Variants in MAPK10 observed in about 807,000 individuals in gnomAD.
MAPK10 encodes JNK3 alpha protein kinase.
In MAPK10, 25 loss-of-function variants were observed where a neutral mutation model predicts 59.3. The observed-to-expected ratio is 0.42, with a 90% confidence interval of 0.31 to 0.59. The LOEUF (loss-of-function observed/expected upper bound fraction) is 0.59, where lower values mean the gene tolerates loss of function less well. MAPK10 is among the 20% of genes least tolerant of loss of function. MAPK10 has a pLI of 0.15. For missense variants in MAPK10, 351 were observed against 568.9 expected (o/e 0.62, Z 3.90); for synonymous variants, 190 against 200.5 (o/e 0.95, Z 0.44).
At chr4:86,423,760 G>GATATATATACATATATATATAT (rs1288169190) in intron 1 of MAPK10, among the ~76,000 whole-genome samples, 1 of 117,120 alleles carries the variant, frequency 8.5e-6, no homozygotes, top group East Asian at 2.5e-4. Flanking sequence ...TAATTAGTGG[G>GATATATATACATATATATATAT]ATATATATAC....
intron 2 of MAPK10, among the ~76,000 whole-genome samples, chr4:86,239,013 T>C (rs1473951335): frequency 1.3e-5 from 2 of 152,158 alleles, no homozygotes; most frequent in African/African-American, 4.8e-5. Flanking sequence ...ATTTTGAGAT[T>C]ATGTTCCATA....
chr4:86,481,436 A>G (rs1753607761), intron 1 of MAPK10, among the ~76,000 whole-genome samples: 1 of 152,108 alleles, frequency 6.6e-6, no homozygotes, highest in Admixed American at 6.6e-5. Flanking sequence ...GAGGAAAAAA[A>G]AAAAAAAAAC....
At chr4:86,588,826 G>A (rs775585507) in intron 1 of MAPK10, among the ~76,000 whole-genome samples, 2 of 152,016 alleles carry the variant, frequency 1.3e-5, no homozygotes, top group African/African-American at 2.4e-5. Flanking sequence ...TTTTTATCAC[G>A]TGTAGAAACA....
Position 86,436,146 on chromosome 4 carries a change from G to T in MAPK10, c.-122+16884C>A, listed in dbSNP as rs1435989540. On this transcript the variant is annotated intron_variant, in intron 1 of 13. Coordinates refer to the MAPK10 transcript ENST00000361569. ...GAGAGTTCATAACCCCTCTTCCCTG[G>T]AGTTTATACTTCTGGCAACCTCAGT... 2.0e-5 allele frequency among the ~76,000 whole-genome samples: 3 copies of T among 152,020 alleles called. No individual in the cohort carries two copies. In the East Asian group the frequency reaches 5.8e-4, roughly 29 times the overall value.
rs141529140 is a variant in MAPK10, at chr4:86,572,236, A to G, written c.-263+21674T>C. ...TTTGACTTATGGCATCATTACTTTC[A>G]GCAAAACCAGCTGTGTAATACTAGG... On this transcript the variant is annotated intron_variant, in intron 1 of 4. Transcript: ENST00000502302. 1.5e-3 allele frequency among the ~76,000 whole-genome samples: 233 copies of G among 152,290 alleles called. 4 individuals are homozygous for G. Among genetic ancestry groups the G allele is most frequent in the African/African-American group, 5.2e-3 (216 of 41,562 alleles).
At chr4:86,191,666 G>A (rs770241058) in intron 3 of MAPK10, 1 of 143,160 alleles carries the variant, frequency 7.0e-6, no homozygotes, top group South Asian at 2.3e-4. Flanking sequence ...ATGTGAGATG[G>A]GTATCCTGAA....
intron 3 of MAPK10, among the ~76,000 whole-genome samples, chr4:86,162,876 T>C (rs2070294606): frequency 6.6e-6 from 1 of 152,100 alleles, no homozygotes; most frequent in South Asian, 2.1e-4. Flanking sequence ...CTCAACCACC[T>C]GGGGATGCAC....
At chr4:86,188,836 G>A (rs1377876353) in intron 3 of MAPK10, among the ~76,000 whole-genome samples, 1 of 152,230 alleles carries the variant, frequency 6.6e-6, no homozygotes, top group Middle Eastern at 3.4e-3. Flanking sequence ...TGTCCTGAAT[G>A]ATATTACCTA....
At chr4:86,149,999 T>TA (rs199719978) in intron 4 of MAPK10, among the ~76,000 whole-genome samples, 1,643 of 150,542 alleles carry the variant, frequency 0.011, 16 homozygotes, top group Non-Finnish European at 0.014. Context: ...TACAGAAAAG[T>TA]AAAAAAAAAC....
At chr4:86,497,105 C>T (rs1754925022) in intron 1 of MAPK10, among the ~76,000 whole-genome samples, 1 of 152,114 alleles carries the variant, frequency 6.6e-6, no homozygotes, top group African/African-American at 2.4e-5. Flanking sequence ...ACCAACACTC[C>T]AAACAATAAA....
At chr4:86,255,426 A>C (rs2093663924) in intron 2 of MAPK10, among the ~76,000 whole-genome samples, 2 of 152,288 alleles carry the variant, frequency 1.3e-5, no homozygotes, top group South Asian at 4.2e-4. Flanking sequence ...AAGACAGGAC[A>C]CTGAGTCAGA....
At chr4:86,174,249 G>T (rs193085213) in intron 3 of MAPK10, among the ~76,000 whole-genome samples, 62 of 152,286 alleles carry the variant, frequency 4.1e-4, no homozygotes, top group Non-Finnish European at 4.1e-4. Flanking sequence ...ACTGGATAAA[G>T]AAAATGTGGC....
chr4:86,105,986 G>A (rs1470075615), intron 5 of MAPK10, among the ~76,000 whole-genome samples: 1 of 152,046 alleles, frequency 6.6e-6, no homozygotes, highest in Non-Finnish European at 1.5e-5. Flanking sequence ...CTGTCTTATT[G>A]TGGATCGCCT....
intron 2 of MAPK10, among the ~76,000 whole-genome samples, chr4:86,282,451 C>T (rs2094843388): frequency 6.6e-6 from 1 of 152,006 alleles, no homozygotes; most frequent in African/African-American, 2.4e-5. Context: ...TATGGACTTG[C>T]TGGATATTTA....
chr4:86,321,558 G>A (rs1381341459), intron 2 of MAPK10, among the ~76,000 whole-genome samples: 1 of 140,318 alleles, frequency 7.1e-6, no homozygotes, highest in African/African-American at 2.7e-5. Context: ...ACACAGGAAG[G>A]GGAACATCAC....
At chr4:86,545,475 C>G (rs911570943) in intron 1 of MAPK10, among the ~76,000 whole-genome samples, 3 of 152,060 alleles carry the variant, frequency 2.0e-5, no homozygotes, top group Admixed American at 6.6e-5. Context: ...AAGGCCGTGA[C>G]GAAAAGACCT....
At chr4:86,352,759 A>C (rs538268914) in intron 2 of MAPK10, among the ~76,000 whole-genome samples, 1 of 152,214 alleles carries the variant, frequency 6.6e-6, no homozygotes, top group East Asian at 1.9e-4. Context: ...TGTTTTATAC[A>C]CTCTTCTATG....
At chr4:86,114,838 G>A (rs1330557024) in intron 4 of MAPK10, among the ~76,000 whole-genome samples, 1 of 152,222 alleles carries the variant, frequency 6.6e-6, no homozygotes, top group East Asian at 1.9e-4. Context: ...AGGGATATCA[G>A]AGTTCTGTCT....
At chr4:86,175,554 G>C (rs2075497812) in intron 3 of MAPK10, among the ~76,000 whole-genome samples, 1 of 151,964 alleles carries the variant, frequency 6.6e-6, no homozygotes, top group Admixed American at 6.6e-5. Context: ...GTGAGATCTG[G>C]TTGTTTAAAA....
Sources: gnomAD v4.1 joint callset for allele counts (sites outside exome capture counted in the v4.1 genomes callset) on GRCh38, gnomAD v4.1.1 for gene constraint, MANE v1.5 for transcripts, NCBI Gene and HGNC (gene_info 2026-07-23, HGNC 2026-07-21) for gene names.